The following OR9Q1 variants were observed in gnomAD, a reference collection of about 807,000 sequenced individuals.
OR9Q1 encodes the protein olfactory receptor family 9 subfamily Q member 1.
For missense variants in OR9Q1, 374 were observed against 378.8 expected (o/e 0.99, Z 0.11); for synonymous variants, 153 against 148.6 (o/e 1.03, Z -0.22).
rs190985556 is a variant in OR9Q1, at chr11:58,035,023, C to T, written c.-93+10919C>T. 2.6e-5 allele frequency among the ~76,000 whole-genome samples: 4 copies of T among 151,820 alleles called. No individual in the cohort carries two copies. The East Asian group carries it at 7.8e-4, about 29-fold the overall frequency. ...TTAAATTTCTTGTAGAGATGGGTTTCGCCAGGTTATTTTCCAGGCTGATCT... is the reference window on the plus strand; with the variant it reads ...TTAAATTTCTTGTAGAGATGGGTTTTGCCAGGTTATTTTCCAGGCTGATCT... On this transcript the variant is annotated intron_variant, in intron 1 of 2. Transcript: ENST00000335397.
chr11:58,118,545 G>A (rs778738524), intron 2 of OR9Q1: 1 of 1,613,096 alleles, frequency 6.2e-7, no homozygotes, highest in Middle Eastern at 1.7e-4. Context: ...CCTTTCTGAA[G>A]GCGTCTTTTA....
chr11:58,065,962 A>ACC (rs994270939), intron 2 of OR9Q1, among the ~76,000 whole-genome samples: 1 of 151,570 alleles, frequency 6.6e-6, no homozygotes, highest in Non-Finnish European at 1.5e-5. Context: ...TTCTCACCCA[A>ACC]CCCCCAAAGA....
chr11:58,178,887 A>ATATAT (rs1347431810), intron 2 of OR9Q1, among the ~76,000 whole-genome samples: 2 of 141,264 alleles, frequency 1.4e-5, no homozygotes, highest in Non-Finnish European at 3.1e-5. Context: ...TATATATTAT[A>ATATAT]TATATATTTA....
chr11:58,104,056 G>C (rs1437143997), intron 2 of OR9Q1, among the ~76,000 whole-genome samples: 1 of 152,138 alleles, frequency 6.6e-6, no homozygotes, highest in African/African-American at 2.4e-5. Flanking sequence ...TACCAGGCCA[G>C]ATTTCATTCA....
intron 2 of OR9Q1, among the ~76,000 whole-genome samples, chr11:58,058,659 TG>T (rs1216136783): frequency 1.3e-5 from 2 of 152,148 alleles, no homozygotes; most frequent in Non-Finnish European, 2.9e-5. Flanking sequence ...ACAATGACGG[TG>T]GCAGCAGGGG....
At position 58,031,156 on chromosome 11, in the gene OR9Q1, G is replaced by C. The variant is rs559692274; in HGVS notation, c.-93+7052G>C. 4.1e-4 allele frequency: 664 copies of C among 1,614,160 alleles called. 10 individuals carry two copies. The South Asian group carries it at 6.8e-3, about 16-fold the overall frequency. ...CCATGTATTTCTTCCTGACACACTT[G>C]TCCTGCCTTGAAATCTGGTACACTT... On this transcript the variant is annotated intron_variant, in intron 1 of 2. Coordinates refer to ENST00000335397, the MANE Select transcript of OR9Q1 (RefSeq NM_001005212.4).
intron 1 of OR9Q1, among the ~76,000 whole-genome samples, chr11:58,026,981 C>A (rs775017612): frequency 1.6e-4 from 24 of 152,114 alleles, no homozygotes; most frequent in Non-Finnish European, 2.5e-4. Flanking sequence ...TCAAAGAATG[C>A]AATTTGGTGT....
At chr11:58,036,381 A>C (rs561822973) in intron 1 of OR9Q1, among the ~76,000 whole-genome samples, 76 of 152,344 alleles carry the variant, frequency 5.0e-4, no homozygotes, top group African/African-American at 1.8e-3. Context: ...ATGGAAATGT[A>C]CAAGGAGATT....
chr11:58,160,250 A>G (rs1471201314), intron 2 of OR9Q1, among the ~76,000 whole-genome samples: 1 of 152,232 alleles, frequency 6.6e-6, no homozygotes, highest in Admixed American at 6.5e-5. Context: ...AGGCCTTGAC[A>G]TGTCCTAACT....
At chr11:58,153,604 A>C (rs1325202716) in intron 2 of OR9Q1, among the ~76,000 whole-genome samples, 2 of 151,920 alleles carry the variant, frequency 1.3e-5, no homozygotes, top group Non-Finnish European at 2.9e-5. Context: ...TAAAAAATGG[A>C]AAGTTTATTG....
At chr11:58,127,928 A>G (rs1044350616) in intron 2 of OR9Q1, among the ~76,000 whole-genome samples, 2 of 152,208 alleles carry the variant, frequency 1.3e-5, no homozygotes, top group Admixed American at 1.3e-4. Flanking sequence ...AGCTATCCAG[A>G]TAAAGTGTTT....
intron 2 of OR9Q1, among the ~76,000 whole-genome samples, chr11:58,156,660 T>C (rs1187989187): frequency 6.6e-6 from 1 of 152,204 alleles, no homozygotes; most frequent in African/African-American, 2.4e-5. Flanking sequence ...ATTTAGCAAA[T>C]GGAACAACAT....
intron 1 of OR9Q1, among the ~76,000 whole-genome samples, chr11:58,025,711 A>T (rs767119929): frequency 5.3e-5 from 8 of 152,108 alleles, no homozygotes; most frequent in Non-Finnish European, 1.0e-4. Flanking sequence ...GGTTGCTTTC[A>T]TTTGATTTCA....
intron 2 of OR9Q1, among the ~76,000 whole-genome samples, chr11:58,138,042 G>A (rs1298191585): frequency 6.6e-6 from 1 of 152,168 alleles, no homozygotes; most frequent in Non-Finnish European, 1.5e-5. Context: ...ACTTGCTTTA[G>A]TGGCAGCACC....
At chr11:58,150,073 A>G (rs778174309) in intron 2 of OR9Q1, among the ~76,000 whole-genome samples, 13 of 152,284 alleles carry the variant, frequency 8.5e-5, no homozygotes, top group Middle Eastern at 3.4e-3. Context: ...GCACCGTTTT[A>G]CATTCCCACT....
intron 2 of OR9Q1, among the ~76,000 whole-genome samples, chr11:58,095,299 G>C (rs1210147040): frequency 6.6e-6 from 1 of 152,232 alleles, no homozygotes; most frequent in Non-Finnish European, 1.5e-5. Flanking sequence ...GGTACACCAG[G>C]TGGCTGCTAG....
At chr11:58,053,631 T>TTATATATATAAA (rs1554965499) in intron 1 of OR9Q1, among the ~76,000 whole-genome samples, 2 of 29,390 alleles carry the variant, frequency 6.8e-5, no homozygotes, top group East Asian at 3.1e-3. Flanking sequence ...ATATATAAAA[T>TTATATATATAAA]ATATATATAT....
chr11:58,131,200 C>T (rs1854137620), intron 2 of OR9Q1, among the ~76,000 whole-genome samples: 1 of 152,076 alleles, frequency 6.6e-6, no homozygotes, highest in Non-Finnish European at 1.5e-5. Context: ...CTCAGACCTC[C>T]ACAAAGGTTC....
chr11:58,043,781 A>ATATT (rs915280950), intron 1 of OR9Q1, among the ~76,000 whole-genome samples: 2 of 152,170 alleles, frequency 1.3e-5, no homozygotes, highest in Admixed American at 6.5e-5. Context: ...CGATGCTTGA[A>ATATT]TATTTATTTA....
Sources: gnomAD v4.1 joint callset for allele counts (sites outside exome capture counted in the v4.1 genomes callset) on GRCh38, gnomAD v4.1.1 for gene constraint, MANE v1.5 for transcripts, NCBI Gene and HGNC (gene_info 2026-07-23, HGNC 2026-07-21) for gene names.